Variants in ST18 observed in about 807,000 individuals in gnomAD.
ST18 encodes the protein ST18 C2H2C-type zinc finger transcription factor.
ST18 carries 50 observed loss-of-function variants against 110.0 expected under a neutral mutation model. That is an observed-to-expected ratio of 0.45 (90% CI 0.36 to 0.58). ST18 has a LOEUF of 0.58. Among genes scored for constraint, ST18 ranks in the 20% least tolerant of loss-of-function variants. The probability of loss-of-function intolerance (pLI) is 0.00; values close to 1 mark genes in which losing one functional copy is unlikely to be tolerated. For missense variants in ST18, 1,306 were observed against 1,280.1 expected, an observed-to-expected ratio of 1.02 and a Z score of -0.31; for synonymous variants, 461 against 452.4, an observed-to-expected ratio of 1.02 and a Z score of -0.24.
At chr8:52,132,368 T>G (rs2050030948) in intron 21 of ST18, among the ~76,000 whole-genome samples, 189 bp from the exon 22 acceptor site, 1 of 152,208 alleles carries the variant, frequency 6.6e-6, no homozygotes, top group Non-Finnish European at 1.5e-5. Context: ...TTCACTACAA[T>G]CTACTGGGTA....
intron 2 of ST18, among the ~76,000 whole-genome samples, chr8:52,348,931 T>A (rs745777838): frequency 1.3e-4 from 20 of 152,292 alleles, no homozygotes; most frequent in South Asian, 1.2e-3. Flanking sequence ...TACCATATTG[T>A]ACAATAGATC....
chr8:52,116,525 C>G, intron 24 of ST18, 107 bp from the exon 25 acceptor site: 7 of 1,137,162 alleles, frequency 6.2e-6, no homozygotes, highest in Non-Finnish European at 8.7e-6. Context: ...CTAAGAGATG[C>G]AGAGATGCAT....
chr8:52,143,429 G>A (rs1425487281), intron 16 of ST18, among the ~76,000 whole-genome samples: 1 of 152,024 alleles, frequency 6.6e-6, no homozygotes, highest in Non-Finnish European at 1.5e-5. Context: ...GGGTTACAGT[G>A]AGCCGAGATG....
chr8:52,256,789 G>A (rs1164657889), intron 2 of ST18, among the ~76,000 whole-genome samples: 1 of 151,702 alleles, frequency 6.6e-6, no homozygotes, highest in African/African-American at 2.4e-5. Flanking sequence ...TAGCTCTTTG[G>A]GACATAAATG....
intron 8 of ST18, among the ~76,000 whole-genome samples, chr8:52,208,933 A>C (rs1218107668): frequency 6.6e-6 from 1 of 152,234 alleles, no homozygotes; most frequent in Non-Finnish European, 1.5e-5. Context: ...ATGATCACTT[A>C]GTGATTTTTA....
At chr8:52,267,287 G>C in intron 2 of ST18, among the ~76,000 whole-genome samples, 1 of 151,854 alleles carries the variant, frequency 6.6e-6, no homozygotes, top group Non-Finnish European at 1.5e-5. Flanking sequence ...TGAGAAAGAG[G>C]ACCCTGGGCT....
At chr8:52,138,312 G>T (rs547927765) in intron 17 of ST18, among the ~76,000 whole-genome samples, 2 of 152,048 alleles carry the variant, frequency 1.3e-5, no homozygotes, top group Admixed American at 1.3e-4. Context: ...ACTAATTAGC[G>T]AAGACAATTG....
intron 22 of ST18, among the ~76,000 whole-genome samples, chr8:52,129,782 T>C (rs1016285543): frequency 2.6e-5 from 4 of 152,226 alleles, no homozygotes; most frequent in Non-Finnish European, 1.5e-5. Context: ...TGGTGGCCCA[T>C]GCCTGTAATT....
chr8:52,190,303 C>A (rs1241326770), intron 8 of ST18, among the ~76,000 whole-genome samples: 1 of 152,122 alleles, frequency 6.6e-6, no homozygotes, highest in Non-Finnish European at 1.5e-5. Context: ...TCTGAAAAAT[C>A]CAAAATCCAA....
chr8:52,149,870 T>C lies in ST18; in HGVS notation c.1914A>G (p.Pro638=). ...APLTSSNTSI[P]TPSSSPFKTS... is the part of the protein sequence containing the mutation. The stretch of plus-strand genomic sequence containing the variant: ...TTTTGAATGGGGAAGAGGAAGGAGT[T>C]GGAATAGAAGTGTTAGAGGAAGTTA... The change falls in exon 16 of 26, where the codon CCA becomes CCG. Residue 638 remains proline, a synonymous_variant. Transcript: ENST00000689386. 2 of 1,614,166 alleles carry C rather than the reference T, an allele frequency of 1.2e-6. No individual in the cohort carries two copies. The highest frequency in any genetic ancestry group is 1.7e-6 in the Non-Finnish European group (2 of 1,180,022).
At chr8:52,328,538 A>G (rs765816194) in intron 2 of ST18, among the ~76,000 whole-genome samples, 3 of 152,210 alleles carry the variant, frequency 2.0e-5, no homozygotes, top group African/African-American at 4.8e-5. Context: ...TCACACTTCC[A>G]GGATTTACAA....
intron 2 of ST18, among the ~76,000 whole-genome samples, chr8:52,255,726 A>G (rs924240884): frequency 6.6e-6 from 1 of 152,252 alleles, no homozygotes; most frequent in South Asian, 2.1e-4. Flanking sequence ...GACATGAATA[A>G]GAATTTATTG....
intron 17 of ST18, among the ~76,000 whole-genome samples, chr8:52,142,024 G>C (rs2055321235): frequency 6.6e-6 from 1 of 152,204 alleles, no homozygotes; most frequent in Non-Finnish European, 1.5e-5. Flanking sequence ...TAGAGGCCAA[G>C]TGTAGACAAT....
chr8:52,155,704 G>GT (rs1011443977), intron 15 of ST18, among the ~76,000 whole-genome samples: 1 of 152,084 alleles, frequency 6.6e-6, no homozygotes, highest in African/African-American at 2.4e-5. Flanking sequence ...GGAAATCAAA[G>GT]TTTTTTTGCC....
chr8:52,238,749 A>G (rs981288937), intron 2 of ST18, among the ~76,000 whole-genome samples: 4 of 151,744 alleles, frequency 2.6e-5, no homozygotes, highest in Admixed American at 2.6e-4. Context: ...CTTAAGGGAA[A>G]TAAGTTGGAA....
intron 17 of ST18, among the ~76,000 whole-genome samples, chr8:52,140,821 A>G (rs1281969076): frequency 6.6e-6 from 1 of 152,188 alleles, no homozygotes; most frequent in African/African-American, 2.4e-5. Context: ...GTTTGGGATG[A>G]CTTTTAGCAA....
chr8:52,164,702 A>G (rs1247778213), intron 12 of ST18, among the ~76,000 whole-genome samples: 3 of 152,200 alleles, frequency 2.0e-5, no homozygotes, highest in Non-Finnish European at 4.4e-5. Flanking sequence ...AGTGATGTTT[A>G]CCCTACACCT....
At chr8:52,358,661 AG>A (rs924223138) in intron 2 of ST18, among the ~76,000 whole-genome samples, 84 of 152,106 alleles carry the variant, frequency 5.5e-4, no homozygotes, top group African/African-American at 2.0e-3. Flanking sequence ...GAAATAGAAA[AG>A]CTTGAATATA....
At chr8:52,118,286 C>T (rs1402668927) in intron 24 of ST18, 52 bp downstream of exon 24, 37 of 1,241,728 alleles carry the variant, frequency 3.0e-5, no homozygotes, top group Non-Finnish European at 4.2e-5. Flanking sequence ...TGTTTTGTTT[C>T]CACCAAAGAT....
Sources: gnomAD v4.1 joint callset for allele counts (sites outside exome capture counted in the v4.1 genomes callset) on GRCh38, gnomAD v4.1.1 for gene constraint, MANE v1.5 for transcripts, NCBI Gene and HGNC (gene_info 2026-07-23, HGNC 2026-07-21) for gene names.